CRYZ: variants seen among roughly 807,000 people sequenced by gnomAD.
CRYZ encodes the protein zeta-crystallin.
A neutral mutation model predicts 34.1 loss-of-function variants in CRYZ; 35 were observed. That is an observed-to-expected ratio of 1.03 (90% CI 0.78 to 1.36). CRYZ has a LOEUF of 1.36. Ranked by LOEUF, CRYZ falls within the 40% of genes most tolerant of loss-of-function variation. The pLI, the probability that CRYZ is intolerant of heterozygous loss-of-function variation, is 0.00. For synonymous variants in CRYZ, 137 were observed against 136.5 expected (o/e 1.00, Z -0.03); for missense variants, 403 against 391.8 (o/e 1.03, Z -0.24).
At chr1:74,725,872 G>A (rs950564188) in intron 1 of CRYZ, among the ~76,000 whole-genome samples, 5 of 152,164 alleles carry the variant, frequency 3.3e-5, no homozygotes, top group Non-Finnish European at 7.3e-5. Flanking sequence ...AGGGGCTACA[G>A]GTCCCATGCA....
At chr1:74,729,462 C>A (rs368480625) in intron 1 of CRYZ, among the ~76,000 whole-genome samples, 6 of 133,814 alleles carry the variant, frequency 4.5e-5, no homozygotes, top group Admixed American at 8.5e-5. Context: ...GGCAACATGG[C>A]GAAATGCCAT....
In CRYZ at chr1:74,723,010, G is replaced by A. The variant is rs905645123; in HGVS notation, c.264+108C>T. 17 of 1,093,470 alleles carry A rather than the reference G, an allele frequency of 1.6e-5. No individual in the cohort carries two copies. The South Asian group carries it at 2.2e-4, about 14-fold the overall frequency. The allele number at this position is 1,093,470 out of a possible 1,614,324, so 67.7% of individuals were successfully genotyped here. A position where few individuals can be genotyped will look rare whatever the true frequency, so the allele number is the denominator to read the frequency against. On this transcript the variant is annotated intron_variant, in intron 3 of 8. Transcript: ENST00000340866. ...AGGAGTCCCCCGAGTGGCAGAAATTGTGTAATGGGGCCTTTTAAAACCTTA... is the reference window on the plus strand; with the variant it reads ...AGGAGTCCCCCGAGTGGCAGAAATTATGTAATGGGGCCTTTTAAAACCTTA...
At chr1:74,712,653 A>G (rs1178414212) in intron 5 of CRYZ, among the ~76,000 whole-genome samples, 2 of 152,262 alleles carry the variant, frequency 1.3e-5, no homozygotes. Context: ...GAGGAGAGAG[A>G]CATCCAATTA....
chr1:74,715,985 G>T (rs1647067531), intron 4 of CRYZ, among the ~76,000 whole-genome samples: 2 of 151,224 alleles, frequency 1.3e-5, no homozygotes. Context: ...TCTAGAATGT[G>T]GGTGGGCCTC....
intron 1 of CRYZ, among the ~76,000 whole-genome samples, chr1:74,726,568 GCC>G (rs1647352892): frequency 2.0e-5 from 3 of 152,136 alleles, no homozygotes; most frequent in African/African-American, 7.2e-5. Context: ...TGCCGCAAAG[GCC>G]TCTGACATGC....
intron 1 of CRYZ, among the ~76,000 whole-genome samples, chr1:74,726,755 A>G (rs546425349): frequency 1.3e-5 from 2 of 152,230 alleles, no homozygotes; most frequent in Non-Finnish European, 2.9e-5. Context: ...CCTTTTAAAC[A>G]TAAGTTCCAA....
intron 6 of CRYZ, among the ~76,000 whole-genome samples, chr1:74,709,269 A>C (rs999590605): frequency 6.6e-6 from 1 of 152,156 alleles, no homozygotes; most frequent in East Asian, 1.9e-4. Flanking sequence ...ATTGCTGAAC[A>C]AAAACCATAC....
chr1:74,719,926 T>C (rs1325216693), intron 3 of CRYZ, among the ~76,000 whole-genome samples: 1 of 152,124 alleles, frequency 6.6e-6, no homozygotes, highest in African/African-American at 2.4e-5. Context: ...ATAATGATGT[T>C]GATGGCTCAG....
At chr1:74,725,061 A>T (rs745437843) in intron 1 of CRYZ, among the ~76,000 whole-genome samples, 1 of 152,252 alleles carries the variant, frequency 6.6e-6, no homozygotes, top group Non-Finnish European at 1.5e-5. Context: ...CCTTCAACAA[A>T]GGAATCAAAC....
intron 4 of CRYZ, among the ~76,000 whole-genome samples, chr1:74,717,069 A>T (rs1569992432): frequency 6.6e-6 from 1 of 152,100 alleles, no homozygotes; most frequent in East Asian, 1.9e-4. Context: ...CCTATCCATA[A>T]ATGTTTCCAT....
intron 5 of CRYZ, among the ~76,000 whole-genome samples, chr1:74,713,777 G>A (rs1277070183): frequency 6.6e-6 from 1 of 152,132 alleles, no homozygotes; most frequent in Non-Finnish European, 1.5e-5. Flanking sequence ...CCTCCTCAAA[G>A]TAAGCATCTA....
At position 74,706,419 on chromosome 1, in the gene CRYZ, T is replaced by G. The variant is rs140284673; in HGVS notation, c.867A>C (p.Gly289=). The G allele has an allele frequency of 4.2e-4, 682 of 1,611,260 alleles. No individual in the cohort carries two copies. Among genetic ancestry groups the G allele is most frequent in the Non-Finnish European group, 5.6e-4 (665 of 1,179,048 alleles). ...CAGGTTTCAACCAGCCAATTTCCATTCCAGCTTGAAGGGCTGCTGCATATT... is the reference window on the plus strand; with the variant it reads ...CAGGTTTCAACCAGCCAATTTCCATGCCAGCTTGAAGGGCTGCTGCATATT... ...FQQYAAALQA[G]MEIGWLKPVI... is the part of the protein sequence containing the mutation. The change falls in exon 9 of 9, where the codon GGA becomes GGC. Residue 289 remains glycine, a synonymous_variant. Coordinates refer to ENST00000340866, the MANE Select transcript of CRYZ (RefSeq NM_001889.4).
chr1:74,719,464 C>T, intron 3 of CRYZ, 92 bp from the exon 4 acceptor site: 4 of 1,211,572 alleles, frequency 3.3e-6, no homozygotes, highest in Non-Finnish European at 3.4e-6. Flanking sequence ...TAAGTGAGTA[C>T]TCATATATTG....
chr1:74,730,039 A>C (rs1449793865), intron 1 of CRYZ, among the ~76,000 whole-genome samples: 1 of 152,118 alleles, frequency 6.6e-6, no homozygotes, highest in African/African-American at 2.4e-5. Flanking sequence ...TACTTCCTAC[A>C]TATTTCTTTC....
At chr1:74,727,385 T>C (rs1382498311) in intron 1 of CRYZ, among the ~76,000 whole-genome samples, 1 of 138,462 alleles carries the variant, frequency 7.2e-6, no homozygotes, top group Non-Finnish European at 1.5e-5. Context: ...GCAGAGGAAC[T>C]CCACTTTATA....
intron 4 of CRYZ, among the ~76,000 whole-genome samples, chr1:74,716,244 G>A: frequency 6.6e-6 from 1 of 151,774 alleles, no homozygotes; most frequent in Non-Finnish European, 1.5e-5. Flanking sequence ...TGATTCTTAA[G>A]GAATTTATAT....
At chr1:74,714,469 G>A in intron 5 of CRYZ, 110 bp downstream of exon 5, 2 of 995,938 alleles carry the variant, frequency 2.0e-6, no homozygotes, top group South Asian at 1.6e-5. Context: ...AAGAAAAAAA[G>A]CACCTTTGAC....
intron 3 of CRYZ, among the ~76,000 whole-genome samples, chr1:74,720,522 T>G (rs534067152): frequency 1.3e-5 from 2 of 152,236 alleles, no homozygotes; most frequent in South Asian, 4.1e-4. Flanking sequence ...TCCTCCTTTT[T>G]AGAAAAAAGT....
At chr1:74,706,602 T>C (rs1337223221) in intron 8 of CRYZ, 145 bp from the exon 9 acceptor site, 3 of 762,694 alleles carry the variant, frequency 3.9e-6, no homozygotes, top group East Asian at 2.7e-5. Flanking sequence ...TCCAGAACTA[T>C]AGAAAAAGTA....
Sources: gnomAD v4.1 joint callset for allele counts (sites outside exome capture counted in the v4.1 genomes callset) on GRCh38, gnomAD v4.1.1 for gene constraint, MANE v1.5 for transcripts, NCBI Gene and HGNC (gene_info 2026-07-23, HGNC 2026-07-21) for gene names.